The following ATP2B2 variants were observed in gnomAD, a reference collection of about 807,000 sequenced individuals.
ATP2B2 encodes the protein ATPase plasma membrane Ca2+ transporting 2.
In ATP2B2, 15 loss-of-function variants were observed where a neutral mutation model predicts 120.0. That is an observed-to-expected ratio of 0.12 (90% CI 0.08 to 0.19). The LOEUF (loss-of-function observed/expected upper bound fraction) is 0.19. Ranked by LOEUF, ATP2B2 falls within the 10% of genes least tolerant of loss-of-function variation. The probability of loss-of-function intolerance (pLI) is 1.00; values close to 1 mark genes in which losing one functional copy is unlikely to be tolerated. For synonymous variants in ATP2B2, 694 were observed against 700.3 expected, an observed-to-expected ratio of 0.99 and a Z score of 0.14; for missense variants, 1,045 against 1,719.8, an observed-to-expected ratio of 0.61 and a Z score of 6.94.
chr3:10,511,112 T>C (rs1326848270), intron 3 of ATP2B2, among the ~76,000 whole-genome samples: 5 of 152,152 alleles, frequency 3.3e-5, no homozygotes, highest in Non-Finnish European at 5.9e-5. Context: ...AAAGACACTC[T>C]TGCATTTCCG....
chr3:10,515,994 G>A (rs889547401), intron 3 of ATP2B2, among the ~76,000 whole-genome samples: 4 of 152,094 alleles, frequency 2.6e-5, no homozygotes, highest in African/African-American at 7.2e-5. Flanking sequence ...TGTGAGAGCC[G>A]ATTGTGTTGT....
intron 1 of ATP2B2, chr3:10,626,174 C>G (rs1286383800): frequency 6.6e-6 from 1 of 152,208 alleles, no homozygotes; most frequent in Non-Finnish European, 1.5e-5. Context: ...AACCTCCCCA[C>G]AGCAGAGATG....
At chr3:10,415,750 A>G (rs74539254) in intron 2 of ATP2B2, among the ~76,000 whole-genome samples, 326 of 152,394 alleles carry the variant, frequency 2.1e-3, no homozygotes, top group Middle Eastern at 6.8e-3. Flanking sequence ...ACCATTTCGC[A>G]TATTAAAAAT....
intron 1 of ATP2B2, among the ~76,000 whole-genome samples, chr3:10,504,549 G>T (rs1239988567): frequency 4.0e-5 from 6 of 148,652 alleles, no homozygotes; most frequent in Admixed American, 3.4e-4. Flanking sequence ...ATTGGGGCAG[G>T]CCAGTCCAGA....
In ATP2B2 at chr3:10,340,772, C is replaced by G; in HGVS notation, c.2918-68G>C. 1 of 1,520,784 alleles carries G rather than the reference C, an allele frequency of 6.6e-7. No homozygotes were observed. The highest frequency in any genetic ancestry group is 9.1e-7 in the Non-Finnish European group (1 of 1,097,832). 94.2% of individuals were successfully genotyped at this position (1,520,784 alleles called of 1,614,324 possible). On this transcript the variant is annotated intron_variant, in intron 19 of 22. Transcript: ENST00000360273. The surrounding 1 kb of genome is among the most constrained non-coding windows in gnomAD (Gnocchi z 5.0). ...GGGAATCAGAGGGGAGATGCCTGGCCTTTCGTGGGGGCCTCTTCTGAGCAG... is the reference window on the plus strand; with the variant it reads ...GGGAATCAGAGGGGAGATGCCTGGCGTTTCGTGGGGGCCTCTTCTGAGCAG...
chr3:10,480,160 G>T (rs1328483715), intron 1 of ATP2B2, among the ~76,000 whole-genome samples: 3 of 152,194 alleles, frequency 2.0e-5, no homozygotes, highest in Non-Finnish European at 4.4e-5. Context: ...TCTCCAGGGG[G>T]AAGGGTGTAT....
intron 1 of ATP2B2, among the ~76,000 whole-genome samples, chr3:10,623,243 T>C (rs1036965880): frequency 6.6e-6 from 1 of 151,860 alleles, no homozygotes; most frequent in Non-Finnish European, 1.5e-5. Context: ...TTTAAAAATG[T>C]TTTTTGTGGA....
At chr3:10,598,427 T>A (rs933328446) in intron 2 of ATP2B2, among the ~76,000 whole-genome samples, 24 of 152,340 alleles carry the variant, frequency 1.6e-4, no homozygotes, top group Non-Finnish European at 2.2e-4. Flanking sequence ...ATGACACAAG[T>A]TATACATGTA....
intron 2 of ATP2B2, among the ~76,000 whole-genome samples, chr3:10,619,349 G>C (rs942621866): frequency 6.6e-6 from 1 of 152,144 alleles, no homozygotes; most frequent in Non-Finnish European, 1.5e-5. Context: ...ACCTCTGCAG[G>C]CTCCCAGGCC....
rs1178400751 is a variant in ATP2B2, at chr3:10,556,742, T to G, written c.-414-22609A>C. Among the ~76,000 whole-genome samples the G allele has an allele frequency of 5.9e-5, 9 of 152,370 alleles. No individual in the cohort carries two copies. In the East Asian group the frequency reaches 1.7e-3, roughly 29 times the overall value. On this transcript the variant is annotated intron_variant, in intron 2 of 21. Coordinates refer to the ATP2B2 transcript ENST00000646379. ...TATTCTGTCATTTATATTGTTTTAT[T>G]AAACTTTAATTACTCCTATTTATGT... is the stretch of plus-strand genomic sequence containing the variant.
chr3:10,415,256 G>A (rs939708026), intron 2 of ATP2B2, among the ~76,000 whole-genome samples: 1 of 152,212 alleles, frequency 6.6e-6, no homozygotes, highest in Non-Finnish European at 1.5e-5. Flanking sequence ...AAGGAGTGTA[G>A]TGCTGTGCCT....
intron 1 of ATP2B2, among the ~76,000 whole-genome samples, chr3:10,650,174 T>C (rs1190805611): frequency 6.6e-6 from 1 of 152,226 alleles, no homozygotes; most frequent in African/African-American, 2.4e-5. Flanking sequence ...ACTTGTTGAA[T>C]GGCTTTGACA....
intron 2 of ATP2B2, among the ~76,000 whole-genome samples, chr3:10,594,668 T>C (rs986581544): frequency 3.3e-5 from 5 of 151,638 alleles, no homozygotes; most frequent in Non-Finnish European, 5.9e-5. Flanking sequence ...TATACATATG[T>C]AACAAACCTG....
At position 10,385,345 on chromosome 3, in the gene ATP2B2, G is replaced by T; in HGVS notation, c.941-18C>A. The T allele has an allele frequency of 6.2e-7, 1 of 1,612,316 alleles. No individual in the cohort carries two copies. The highest frequency in any genetic ancestry group is 8.5e-7 in the Non-Finnish European group (1 of 1,179,208). ...GTCTGCTGCTGCAGGGGGGTGGGAG[G>T]GATGGAAAATGCAGTGTCACAATGG... On this transcript the variant is annotated intron_variant, in intron 7 of 22. Coordinates refer to ENST00000360273, the MANE Select transcript of ATP2B2 (RefSeq NM_001001331.4).
chr3:10,632,534 C>A (rs183624194), intron 1 of ATP2B2, among the ~76,000 whole-genome samples: 1 of 152,330 alleles, frequency 6.6e-6, no homozygotes, highest in Non-Finnish European at 1.5e-5. Context: ...AGGTGCGTCA[C>A]AAATTTCTGG....
rs548158965 is a variant in ATP2B2 at position 10,430,464 on chromosome 3, A to C, written c.199+18881T>G. Among the ~76,000 whole-genome samples the C allele has an allele frequency of 4.6e-5, 7 of 152,274 alleles. No homozygotes were observed. In the East Asian group the frequency reaches 1.4e-3, roughly 29 times the overall value. Reference sequence around the variant, plus strand: ...CATGGATAACTTTGAGGGGTTCAAGACTTCAGTGGAGGAGGTCACTGCAGA... The same window carrying C: ...CATGGATAACTTTGAGGGGTTCAAGCCTTCAGTGGAGGAGGTCACTGCAGA... On this transcript the variant is annotated intron_variant, in intron 2 of 22. Transcript: ENST00000360273.
rs1228666070 is a variant in ATP2B2, at chr3:10,417,067, GGC to G, written c.200-6254_200-6253del. The stretch of plus-strand genomic sequence containing the variant: ...AGGTGCTCCTCACTTCCCAGACGGC[GGC>G]GGGGGGGGGCGGGCAGAGGGGCTCC... On this transcript the variant is annotated intron_variant, in intron 2 of 22. Transcript: ENST00000360273. Among the ~76,000 whole-genome samples, 117 of 136,640 alleles carry G rather than the reference GGC, an allele frequency of 8.6e-4. 13 individuals carry two copies. Among genetic ancestry groups the G allele is most frequent in the African/African-American group, 3.8e-3 (109 of 28,772 alleles). The allele number at this position is 136,640 out of a possible 152,430, so 89.6% of individuals were successfully genotyped here. A position where few individuals can be genotyped will look rare whatever the true frequency, so the allele number is the denominator to read the frequency against.
chr3:10,344,183 A>G (rs1318182907), intron 18 of ATP2B2, among the ~76,000 whole-genome samples: 2 of 151,992 alleles, frequency 1.3e-5, no homozygotes, highest in Non-Finnish European at 2.9e-5. Context: ...CTTCTTATCA[A>G]TGCTGCATGG....
chr3:10,665,713 C>T (rs1006240305), intron 1 of ATP2B2, among the ~76,000 whole-genome samples: 4 of 152,212 alleles, frequency 2.6e-5, no homozygotes, highest in Non-Finnish European at 4.4e-5. Flanking sequence ...AATTTAGGCT[C>T]AGCTCCCCTC....
Sources: allele counts gnomAD v4.1 joint callset (sites outside exome capture counted in the v4.1 genomes callset), GRCh38; gene constraint gnomAD v4.1.1; non-coding constraint Gnocchi (gnomAD v3.1); transcripts MANE v1.5; gene names NCBI Gene and HGNC (gene_info 2026-07-23, HGNC 2026-07-21).